SH3D19: variants seen among roughly 807,000 people sequenced by gnomAD.
SH3D19 encodes SH3 domain containing 19, also known as SH3 domain-containing protein 19.
Under a neutral mutation model 112.1 loss-of-function variants are expected in SH3D19, and 58 were observed. The observed-to-expected ratio is 0.52, with a 90% CI of 0.42 to 0.64. The LOEUF (loss-of-function observed/expected upper bound fraction) is 0.64. SH3D19 is among the 30% of genes least tolerant of loss of function. SH3D19 has a pLI of 0.00. For missense variants in SH3D19, 1,090 were observed against 1,263.4 expected (o/e 0.86, Z 2.08); for synonymous variants, 391 against 448.5 (o/e 0.87, Z 1.62).
intron 9 of SH3D19, among the ~76,000 whole-genome samples, chr4:151,150,276 C>T (rs1415486861): frequency 8.0e-6 from 1 of 124,330 alleles, no homozygotes; most frequent in East Asian, 2.4e-4. Context: ...CATATATATA[C>T]ACACACATAT....
chr4:151,231,876 T>A (rs745997544), intron 1 of SH3D19, among the ~76,000 whole-genome samples: 1 of 152,146 alleles, frequency 6.6e-6, no homozygotes, highest in African/African-American at 2.4e-5. Context: ...GGAAAGGAAG[T>A]TTCTTCAAAC....
chr4:151,197,344 T>C (rs1014717851), intron 2 of SH3D19, among the ~76,000 whole-genome samples: 2 of 152,240 alleles, frequency 1.3e-5, no homozygotes, highest in Non-Finnish European at 2.9e-5. Context: ...AGCAGCACAA[T>C]TCACCACACC....
intron 1 of SH3D19, among the ~76,000 whole-genome samples, chr4:151,263,264 C>G (rs1215640595): frequency 6.6e-6 from 1 of 152,202 alleles, no homozygotes; most frequent in Admixed American, 6.5e-5. Context: ...TTAAAGGAAT[C>G]TGGACATCAC....
chr4:151,325,269 G>A lies in SH3D19; in HGVS notation c.84C>T (p.Gly28=), dbSNP rs1344216149. 1.6e-6 allele frequency: 2 copies of A among 1,221,764 alleles called. No individual in the cohort carries two copies. 75.7% of individuals were successfully genotyped at this position (1,221,764 alleles called of 1,614,324 possible). A position where few individuals can be genotyped will look rare whatever the true frequency, so the allele number is the denominator to read the frequency against. ...RELGGQRRAR[G]RALSGHSAAD... Reference sequence around the variant, plus strand: ...CGGCCGAGTGGCCCGAGAGCGCACGGCCCCGGGCGCGGCGCTGGCCACCAA... The same window carrying A: ...CGGCCGAGTGGCCCGAGAGCGCACGACCCCGGGCGCGGCGCTGGCCACCAA... The change falls in exon 1 of 20, where the codon GGC becomes GGT. Residue 28 remains glycine, a synonymous_variant. Coordinates refer to ENST00000604030, the MANE Select transcript of SH3D19 (RefSeq NM_001378122.1).
intron 2 of SH3D19, among the ~76,000 whole-genome samples, chr4:151,215,789 C>A (rs951565100): frequency 3.3e-5 from 5 of 151,710 alleles, no homozygotes; most frequent in African/African-American, 9.7e-5. Context: ...AAATTGAATT[C>A]TTGGGACCAG....
rs191211259 is a variant in SH3D19, at chr4:151,275,282, T to A, written c.113-49196A>T. ...TTTGTATTTTTTAGTAGAGACGGGT[T>A]TTCACTGTGTTAGCCAGGATGGTCT... is the stretch of plus-strand genomic sequence containing the variant. On this transcript the variant is annotated intron_variant, in intron 1 of 19. Transcript: ENST00000604030. Among the ~76,000 whole-genome samples, 3 of 152,068 alleles carry A rather than the reference T, an allele frequency of 2.0e-5. No homozygotes were observed. The East Asian group carries it at 5.8e-4, about 29-fold the overall frequency.
At chr4:151,223,316 A>G (rs992037338) in intron 2 of SH3D19, among the ~76,000 whole-genome samples, 1 of 151,360 alleles carries the variant, frequency 6.6e-6, no homozygotes, top group African/African-American at 2.4e-5. Flanking sequence ...TTACAAAATG[A>G]TGATTTTCTA....
At chr4:151,215,663 TG>T (rs1368493290) in intron 2 of SH3D19, among the ~76,000 whole-genome samples, 5 of 152,226 alleles carry the variant, frequency 3.3e-5, no homozygotes, top group Admixed American at 2.6e-4. Context: ...TCTGGAAAGA[TG>T]GCCTACAACT....
intron 1 of SH3D19, chr4:151,279,753 G>A: frequency 6.3e-7 from 1 of 1,587,630 alleles, no homozygotes; most frequent in Non-Finnish European, 8.6e-7. Flanking sequence ...CAGAGAAACA[G>A]GACTCCTAGG....
chr4:151,147,933 T>C lies in SH3D19; in HGVS notation c.2071A>G (p.Ser691Gly). 6.2e-7 allele frequency: 1 copy of C among 1,607,442 alleles called. No individual in the cohort carries two copies. Among genetic ancestry groups the C allele is most frequent in the Non-Finnish European group, 8.5e-7 (1 of 1,177,812 alleles). ...PRPKPGHPLYSKYMRGDVLVM... is the reference protein window; with the variant it reads ...PRPKPGHPLYGKYMRGDVLVM... ...AAAGCTAAATTTACCATGTATTTACTGTAGAGAGGGTGTCCTGGTTTGGGA... is the reference window on the plus strand; with the variant it reads ...AAAGCTAAATTTACCATGTATTTACCGTAGAGAGGGTGTCCTGGTTTGGGA... Residue 691 changes from serine to glycine, a missense_variant, in exon 11 of 20, where the codon AGT becomes GGT. Ser to Gly is a moderately conservative substitution (Grantham distance 56). Coordinates refer to ENST00000604030, the MANE Select transcript of SH3D19 (RefSeq NM_001378122.1).
chr4:151,305,821 A>T (rs1237115693), intron 1 of SH3D19, among the ~76,000 whole-genome samples: 1 of 152,264 alleles, frequency 6.6e-6, no homozygotes, highest in Non-Finnish European at 1.5e-5. Flanking sequence ...AAACCTGTAC[A>T]CAAATGTTTA....
chr4:151,183,094 C>T (rs181618063), intron 3 of SH3D19, among the ~76,000 whole-genome samples: 1 of 150,892 alleles, frequency 6.6e-6, no homozygotes, highest in African/African-American at 2.4e-5. Context: ...CAGGTTCAAG[C>T]GATTCTCCTG....
chr4:151,184,089 G>A (rs921512270), intron 3 of SH3D19, among the ~76,000 whole-genome samples: 2 of 152,058 alleles, frequency 1.3e-5, no homozygotes, highest in Non-Finnish European at 2.9e-5. Flanking sequence ...TAAAATTCTA[G>A]ATGTATCCAA....
intron 2 of SH3D19, among the ~76,000 whole-genome samples, chr4:151,201,490 A>C (rs2149886563): frequency 6.6e-6 from 1 of 152,370 alleles, no homozygotes; most frequent in Middle Eastern, 3.4e-3. Flanking sequence ...GACAAAAGTA[A>C]AACAAGATGA....
At chr4:151,193,597 T>C (rs564488655) in intron 2 of SH3D19, among the ~76,000 whole-genome samples, 7 of 152,210 alleles carry the variant, frequency 4.6e-5, no homozygotes, top group Non-Finnish European at 1.0e-4. Flanking sequence ...CCATGTGTAA[T>C]ATACAGTAAC....
At chr4:151,263,579 G>A (rs1219040647) in intron 1 of SH3D19, among the ~76,000 whole-genome samples, 6 of 152,184 alleles carry the variant, frequency 3.9e-5, no homozygotes, top group Non-Finnish European at 8.8e-5. Context: ...GGTTAGTTAT[G>A]GTTTAGGATC....
chr4:151,169,206 ATTT>A (rs1164169283), intron 7 of SH3D19, among the ~76,000 whole-genome samples: 1 of 152,002 alleles, frequency 6.6e-6, no homozygotes, highest in East Asian at 1.9e-4. Flanking sequence ...TCACTCTCTC[ATTT>A]TTTTAATTTT....
chr4:151,294,884 T>C (rs973418367), intron 1 of SH3D19, among the ~76,000 whole-genome samples: 15 of 151,848 alleles, frequency 9.9e-5, no homozygotes, highest in African/African-American at 3.6e-4. Flanking sequence ...CTTAGGGTGG[T>C]CAGGGAAGGT....
chr4:151,224,588 T>A (rs1768683325), intron 2 of SH3D19, among the ~76,000 whole-genome samples: 1 of 152,230 alleles, frequency 6.6e-6, no homozygotes, highest in Admixed American at 6.5e-5. Flanking sequence ...TTCAGTCCAA[T>A]CTTCAGAATG....
Sources: gnomAD v4.1 joint callset for allele counts (sites outside exome capture counted in the v4.1 genomes callset) on GRCh38, gnomAD v4.1.1 for gene constraint, MANE v1.5 for transcripts, NCBI Gene and HGNC (gene_info 2026-07-23, HGNC 2026-07-21) for gene names.